TLE4: variants seen among roughly 807,000 people sequenced by gnomAD.
TLE4 encodes the protein TLE family member 4, transcriptional corepressor.
A neutral mutation model predicts 92.8 loss-of-function variants in TLE4; 8 were observed. The observed-to-expected ratio is 0.09, with a 90% CI of 0.05 to 0.16. The LOEUF is 0.16. TLE4 is among the 10% of genes least tolerant of loss of function. The pLI is 1.00. For missense variants in TLE4, 675 were observed against 997.6 expected, an observed-to-expected ratio of 0.68 and a Z score of 4.36; for synonymous variants, 371 against 374.1, an observed-to-expected ratio of 0.99 and a Z score of 0.10.
At chr9:79,589,645 C>T (rs2042051137) in intron 4 of TLE4, among the ~76,000 whole-genome samples, 1 of 152,174 alleles carries the variant, frequency 6.6e-6, no homozygotes, top group African/African-American at 2.4e-5. Flanking sequence ...ATTAGTCTTA[C>T]TCCTTGTCTA....
intron 12 of TLE4, 57 bp downstream of exon 12, chr9:79,708,307 C>G (rs2072253158): frequency 6.3e-7 from 1 of 1,574,956 alleles, no homozygotes; most frequent in East Asian, 2.2e-5. Context: ...GAATTTAAAG[C>G]AATTTAAGGA....
intron 6 of TLE4, among the ~76,000 whole-genome samples, chr9:79,633,602 G>A (rs1172678061): frequency 6.6e-6 from 1 of 152,096 alleles, no homozygotes; most frequent in African/African-American, 2.4e-5. Context: ...AGAGGTCTGA[G>A]GAATGGTTAT....
intron 6 of TLE4, among the ~76,000 whole-genome samples, chr9:79,638,540 T>G (rs1351006309): frequency 6.6e-6 from 1 of 152,092 alleles, no homozygotes; most frequent in Non-Finnish European, 1.5e-5. Flanking sequence ...CTTGTGATTC[T>G]CATGCTTTTT....
intron 6 of TLE4, among the ~76,000 whole-genome samples, chr9:79,640,558 C>T (rs905488152): frequency 1.1e-4 from 16 of 151,980 alleles, no homozygotes; most frequent in Admixed American, 3.3e-4. Context: ...CAACTATCTA[C>T]CTAGTTACTT....
At chr9:79,573,601 C>G in intron 1 of TLE4, 88 bp from the exon 2 acceptor site, 1 of 1,124,022 alleles carries the variant, frequency 8.9e-7, no homozygotes, top group Non-Finnish European at 1.3e-6. Flanking sequence ...GACCCTCACC[C>G]CCCGCTAACG....
intron 14 of TLE4, among the ~76,000 whole-genome samples, chr9:79,717,232 C>T (rs117191677): frequency 2.9e-3 from 444 of 152,298 alleles, no homozygotes; most frequent in Non-Finnish European, 4.7e-3. Context: ...AATTCCTTCA[C>T]CTCCCCATAG....
intron 8 of TLE4, chr9:79,704,506 T>G (rs186572893): frequency 4.6e-6 from 2 of 432,174 alleles, no homozygotes; most frequent in East Asian, 3.9e-5. Context: ...CCTGCCACCC[T>G]TTTTATTTCC....
At chr9:79,575,834 C>A (rs1470102289) in intron 3 of TLE4, 2 of 253,940 alleles carry the variant, frequency 7.9e-6, no homozygotes, top group East Asian at 6.5e-5. Flanking sequence ...CGTAGGATAC[C>A]AAATTTTCAT....
chr9:79,653,610 G>A (rs2059338020), intron 7 of TLE4, among the ~76,000 whole-genome samples: 1 of 152,146 alleles, frequency 6.6e-6, no homozygotes, highest in South Asian at 2.1e-4. Flanking sequence ...TTGGCTTGAA[G>A]GGTGTGTTTC....
intron 6 of TLE4, among the ~76,000 whole-genome samples, chr9:79,636,886 G>C (rs1262771538): frequency 6.6e-6 from 1 of 152,022 alleles, no homozygotes; most frequent in African/African-American, 2.4e-5. Flanking sequence ...GCAGTAATTT[G>C]TTCATAATAA....
At chr9:79,652,327 C>T (rs980151203) in intron 6 of TLE4, among the ~76,000 whole-genome samples, 2 of 152,128 alleles carry the variant, frequency 1.3e-5, no homozygotes, top group African/African-American at 2.4e-5. Context: ...GCTGGGACTA[C>T]AGGCACCAGC....
chr9:79,649,624 GA>G, intron 6 of TLE4: 1 of 284,554 alleles, frequency 3.5e-6, no homozygotes, highest in Non-Finnish European at 6.7e-6. Context: ...CCTTTGAAAG[GA>G]AAAGGACCCT....
chr9:79,613,148 GC>G (rs2048746503), intron 5 of TLE4, among the ~76,000 whole-genome samples: 1 of 152,094 alleles, frequency 6.6e-6, no homozygotes, highest in Admixed American at 6.6e-5. Flanking sequence ...AACTAATGAA[GC>G]TTTTGGCTAG....
intron 8 of TLE4, among the ~76,000 whole-genome samples, chr9:79,656,632 A>T (rs1321391416): frequency 6.6e-6 from 1 of 152,194 alleles, no homozygotes; most frequent in Admixed American, 6.5e-5. Context: ...TGTAATGAGG[A>T]TGTGGGCAAT....
intron 4 of TLE4, among the ~76,000 whole-genome samples, chr9:79,596,212 C>G (rs980460063): frequency 1.3e-5 from 2 of 152,092 alleles, no homozygotes; most frequent in African/African-American, 4.8e-5. Flanking sequence ...ATTCTGTAGT[C>G]TTAAATTTCA....
intron 4 of TLE4, among the ~76,000 whole-genome samples, chr9:79,596,245 G>T (rs1251285446): frequency 6.6e-6 from 1 of 152,084 alleles, no homozygotes; most frequent in Non-Finnish European, 1.5e-5. Flanking sequence ...TGTCTGAGAA[G>T]CTTTAAAATT....
At chr9:79,615,846 T>G (rs919828489) in intron 5 of TLE4, among the ~76,000 whole-genome samples, 10 of 152,234 alleles carry the variant, frequency 6.6e-5, no homozygotes, top group Admixed American at 6.5e-4. Context: ...AATAATGTGC[T>G]GTTGCACTCA....
chr9:79,606,187 G>GTTGTTTTTTTTTTTTTTTTTT (rs2046834923), intron 4 of TLE4, among the ~76,000 whole-genome samples: 2 of 28,674 alleles, frequency 7.0e-5, no homozygotes. Flanking sequence ...AGTAGTAGTT[G>GTTGTTTTTTTTTTTTTTTTTT]TTTTTTTTTT....
chr9:79,645,822 A>G (rs1012307836), intron 6 of TLE4, among the ~76,000 whole-genome samples: 1 of 152,230 alleles, frequency 6.6e-6, no homozygotes, highest in African/African-American at 2.4e-5. Context: ...TCAAGGAAAT[A>G]GGAAGAAGTA....
Sources: gnomAD v4.1 joint callset for allele counts (sites outside exome capture counted in the v4.1 genomes callset) on GRCh38, gnomAD v4.1.1 for gene constraint, MANE v1.5 for transcripts, NCBI Gene and HGNC (gene_info 2026-07-23, HGNC 2026-07-21) for gene names.